Variants in FKTN observed in about 807,000 individuals in gnomAD.
FKTN encodes the protein ribitol-5-phosphate transferase FKTN.
In FKTN, 47 loss-of-function variants were observed where a neutral mutation model predicts 58.6. That is an observed-to-expected ratio of 0.80 (90% CI 0.63 to 1.02). The LOEUF is 1.02. FKTN is among the 50% of genes least tolerant of loss of function. The pLI, the probability that FKTN is intolerant of heterozygous loss-of-function variation, is 0.00. For missense variants in FKTN, 516 were observed against 537.3 expected (o/e 0.96, Z 0.39); for synonymous variants, 178 against 191.9 (o/e 0.93, Z 0.60).
At position 105,604,376 on chromosome 9, in the gene FKTN, T is replaced by A. The variant is rs534638144; in HGVS notation, c.531T>A (p.His177Gln). 47 of 1,614,172 alleles carry A rather than the reference T, an allele frequency of 2.9e-5. 1 individual carries two copies. In the South Asian group the frequency reaches 5.1e-4, roughly 17 times the overall value. ...ATGCGATCCACTTGGTAGTCTTTCA[T>A]GAGAGGAGTGGCAACTACCTCTGGC... Reference protein sequence around the residue: ...ATHAIHLVVFHERSGNYLWHG... With the variant: ...ATHAIHLVVFQERSGNYLWHG... The change falls in exon 6 of 11, where the codon CAT becomes CAA. Residue 177 changes from histidine (H) to glutamine (Q), a missense_variant. By Grantham distance (24) the His-to-Gln change is conservative. Transcript: ENST00000357998.
chr9:105,632,799 T>C lies in FKTN; in HGVS notation c.1173-2252T>C, dbSNP rs79908483. On this transcript the variant is annotated intron_variant, in intron 10 of 10. Transcript: ENST00000357998. ...GTGGTAATAATATCTCTTAAACTTA[T>C]ATTCTGATTTAGGGTTGCCTTAGTC... Among the ~76,000 whole-genome samples, 547 of 152,322 alleles carry C rather than the reference T, an allele frequency of 3.6e-3. 5 individuals carry two copies. Among genetic ancestry groups the C allele is most frequent in the African/African-American group, 0.012 (515 of 41,584 alleles).
rs958272800 is a variant in FKTN, at chr9:105,639,404, T to C, written c.*4140T>C. On this transcript the variant is annotated 3_prime_UTR_variant, in exon 11 of 11. Coordinates refer to ENST00000357998, the MANE Select transcript of FKTN (RefSeq NM_001079802.2). ...CATGTGGGATTTATGGTGGGGGCCC[T>C]TTCAGTCTCAATTTCCACATTAGTG... is the stretch of plus-strand genomic sequence containing the variant. 1.2e-5 allele frequency: 8 copies of C among 679,744 alleles called. No homozygotes were observed. Among genetic ancestry groups the C allele is most frequent in the Non-Finnish European group, 1.5e-5 (8 of 550,816 alleles). 42.1% of individuals were successfully genotyped at this position (679,744 alleles called of 1,614,324 possible).
intron 10 of FKTN, among the ~76,000 whole-genome samples, chr9:105,622,364 GA>G (rs1461209379): frequency 6.6e-6 from 1 of 151,918 alleles, no homozygotes; most frequent in African/African-American, 2.4e-5. Context: ...CAAGAAGGAA[GA>G]AAAAAGATTT....
chr9:105,559,892 T>C (rs1460966447), intron 1 of FKTN, among the ~76,000 whole-genome samples: 1 of 150,352 alleles, frequency 6.7e-6, no homozygotes, highest in Non-Finnish European at 1.5e-5. Flanking sequence ...AGAGAGGAGG[T>C]TGGAGAAATT....
At chr9:105,622,816 G>C (rs891085255) in intron 10 of FKTN, among the ~76,000 whole-genome samples, 6 of 151,966 alleles carry the variant, frequency 3.9e-5, no homozygotes, top group Non-Finnish European at 4.4e-5. Context: ...TATTATTACT[G>C]TTACTGTTAT....
chr9:105,583,175 G>T (rs1450344004), intron 3 of FKTN, among the ~76,000 whole-genome samples: 1 of 152,230 alleles, frequency 6.6e-6, no homozygotes, highest in Admixed American at 6.5e-5. Flanking sequence ...TATAGTGCCT[G>T]CCATAGCAGC....
chr9:105,616,029 A>G (rs1197692971), intron 8 of FKTN, among the ~76,000 whole-genome samples: 1 of 152,166 alleles, frequency 6.6e-6, no homozygotes, highest in African/African-American at 2.4e-5. Flanking sequence ...TACTATTGAA[A>G]ATTTCCTGGG....
rs368981218 is a variant in FKTN, at chr9:105,575,054, G to T, written c.22G>T (p.Val8Leu). 2.7e-5 allele frequency: 43 copies of T among 1,604,492 alleles called. No homozygotes were observed. The African/African-American group carries it at 4.5e-4, about 17-fold the overall frequency. Residue 8 changes from valine to leucine, a missense_variant, in exon 3 of 11, where the codon GTG becomes TTG. Coordinates refer to ENST00000357998, the MANE Select transcript of FKTN (RefSeq NM_001079802.2). MSRINKN[V>L]VLALLTLTSS... ...ACTAATGAGTAGAATCAATAAGAAC[G>T]TGGTTTTGGCCCTTTTAACGCTGAC... is the stretch of plus-strand genomic sequence containing the variant.
chr9:105,630,437 T>G (rs1384562917), intron 10 of FKTN, among the ~76,000 whole-genome samples: 1 of 152,184 alleles, frequency 6.6e-6, no homozygotes, highest in Non-Finnish European at 1.5e-5. Context: ...AATCCTCCTT[T>G]CTCCCTCTTT....
chr9:105,617,975 C>A lies in FKTN; in HGVS notation c.927C>A (p.Cys309Ter). 1 of 1,588,888 alleles carries A rather than the reference C, an allele frequency of 6.3e-7. No homozygotes were observed. Among genetic ancestry groups the A allele is most frequent in the Non-Finnish European group, 8.6e-7 (1 of 1,157,810 alleles). The change falls in exon 9 of 11, where the codon TGC becomes TGA. Residue 309 changes from cysteine (C) to a stop codon, truncating the protein, a stop_gained. Coordinates refer to ENST00000357998, the MANE Select transcript of FKTN (RefSeq NM_001079802.2). LOFTEE classifies it high-confidence loss of function. ...SGTCLGWYRQ[C>*]NIIPYSKDVD... Reference sequence around the variant, plus strand: ...TCTTTTTAGGATGGTATCGACAATGCAACATTATTCCTTATAGCAAAGATG... The same window carrying A: ...TCTTTTTAGGATGGTATCGACAATGAAACATTATTCCTTATAGCAAAGATG...
rs1281471089 is a variant in FKTN at position 105,581,900 on chromosome 9, G to A, written c.105+6763G>A. Among the ~76,000 whole-genome samples the A allele has an allele frequency of 5.3e-5, 8 of 152,204 alleles. No homozygotes were observed. In the South Asian group the frequency reaches 6.2e-4, roughly 12 times the overall value. ...TGTTTTTTAAGCCGGTCTGAAAAGC[G>A]CAATATTCGGGTGGGAGTGACCCGA... is the stretch of plus-strand genomic sequence containing the variant. On this transcript the variant is annotated intron_variant, in intron 3 of 10. Coordinates refer to ENST00000357998, the MANE Select transcript of FKTN (RefSeq NM_001079802.2).
At position 105,617,942 on chromosome 9, in the gene FKTN, T is replaced by A. The variant is rs201625324; in HGVS notation, c.911-17T>A. The A allele has an allele frequency of 5.7e-5, 87 of 1,521,304 alleles. No individual in the cohort carries two copies. The highest frequency in any genetic ancestry group is 4.2e-4 in the Middle Eastern group (2 of 4,714). The allele number at this position is 1,521,304 out of a possible 1,614,324, so 94.2% of individuals were successfully genotyped here. ...CCAAACCTAAATTTTGTTAAAAAAA[T>A]TTAATCTTCTTTTTAGGATGGTATC... On this transcript the variant is annotated splice_polypyrimidine_tract_variant and intron_variant, in intron 8 of 10. Transcript: ENST00000357998.
At chr9:105,592,808 A>C (rs1845138929) in intron 3 of FKTN, among the ~76,000 whole-genome samples, 1 of 152,186 alleles carries the variant, frequency 6.6e-6, no homozygotes, top group Non-Finnish European at 1.5e-5. Flanking sequence ...TTTCCATCTG[A>C]GACTTCCTTA....
chr9:105,635,541 T>C lies in FKTN; in HGVS notation c.*277T>C. On this transcript the variant is annotated 3_prime_UTR_variant, in exon 11 of 11. Coordinates refer to ENST00000357998, the MANE Select transcript of FKTN (RefSeq NM_001079802.2). The stretch of plus-strand genomic sequence containing the variant: ...CTTTTGGTAAACAACTCAATTTTCC[T>C]TTGAGGGAACCCTCCCCCACCCTTT... 7.6e-7 allele frequency: 1 copy of C among 1,308,324 alleles called. No individual in the cohort carries two copies. The highest frequency in any genetic ancestry group is 1.5e-5 in the African/African-American group (1 of 66,842). The allele number at this position is 1,308,324 out of a possible 1,614,324, so 81.0% of individuals were successfully genotyped here.
rs577691605 is a variant in FKTN, at chr9:105,628,000, A to G, written c.1173-7051A>G. Among the ~76,000 whole-genome samples, 21 of 152,310 alleles carry G rather than the reference A, an allele frequency of 1.4e-4. No homozygotes were observed. In the South Asian group the frequency reaches 3.3e-3, roughly 24 times the overall value. On this transcript the variant is annotated intron_variant, in intron 10 of 10. Transcript: ENST00000357998. Reference sequence around the variant, plus strand: ...TAAAACTATAGAATTAAGTTAGCCTAGTTGTTTTCAATCATTCTGCTTCAC... The same window carrying G: ...TAAAACTATAGAATTAAGTTAGCCTGGTTGTTTTCAATCATTCTGCTTCAC...
intron 3 of FKTN, among the ~76,000 whole-genome samples, chr9:105,583,168 AGT>A (rs1383656252): frequency 1.3e-5 from 2 of 152,250 alleles, no homozygotes; most frequent in African/African-American, 4.8e-5. Context: ...GCTTACCTAT[AGT>A]GCCTGCCATA....
chr9:105,623,572 G>A (rs1449946763), intron 10 of FKTN, among the ~76,000 whole-genome samples: 3 of 152,130 alleles, frequency 2.0e-5, no homozygotes, highest in African/African-American at 7.2e-5. Flanking sequence ...GACAGTTGCA[G>A]CTTCTGATTA....
At chr9:105,620,206 T>A in intron 10 of FKTN, 145 bp downstream of exon 10, 1 of 657,548 alleles carries the variant, frequency 1.5e-6, no homozygotes. Context: ...ACCCATAGAG[T>A]CCAGTTATGC....
Position 105,635,501 on chromosome 9 carries a change from C to T in FKTN, c.*237C>T. 1 of 1,393,174 alleles carries T rather than the reference C, an allele frequency of 7.2e-7. No homozygotes were observed. The highest frequency in any genetic ancestry group is 2.8e-5 in the East Asian group (1 of 36,132). The allele number at this position is 1,393,174 out of a possible 1,614,324, so 86.3% of individuals were successfully genotyped here. On this transcript the variant is annotated 3_prime_UTR_variant, in exon 11 of 11. Transcript: ENST00000357998. Reference sequence around the variant, plus strand: ...CCTAGATGAATGAGACAAATACCTACTTCTTTTATTCCTCCTTTTGGTAAA... The same window carrying T: ...CCTAGATGAATGAGACAAATACCTATTTCTTTTATTCCTCCTTTTGGTAAA...
Sources: gnomAD v4.1 joint callset for allele counts (sites outside exome capture counted in the v4.1 genomes callset) on GRCh38, gnomAD v4.1.1 for gene constraint, MANE v1.5 for transcripts, NCBI Gene and HGNC (gene_info 2026-07-23, HGNC 2026-07-21) for gene names.